Variants in THAP5 observed in about 807,000 individuals in gnomAD.
The protein encoded by THAP5 is THAP domain containing 5.
Under a neutral mutation model 34.0 loss-of-function variants are expected in THAP5, and 26 were observed. The observed-to-expected ratio is 0.77, with a 90% CI of 0.56 to 1.06. THAP5 has a LOEUF of 1.06. THAP5 is among the 50% of genes least tolerant of loss of function. The probability of loss-of-function intolerance (pLI) is 0.00; values close to 1 mark genes in which losing one functional copy is unlikely to be tolerated. For missense variants in THAP5, 394 were observed against 452.8 expected, an observed-to-expected ratio of 0.87 and a Z score of 1.18; for synonymous variants, 125 against 153.0, an observed-to-expected ratio of 0.82 and a Z score of 1.35.
rs1296535590 is a variant in THAP5 at position 108,562,613 on chromosome 7, GGTAA to G, written c.*1574_*1577del. The G allele has an allele frequency of 6.6e-6, 1 of 152,122 alleles. No homozygotes were observed. The highest frequency in any genetic ancestry group is 1.5e-5 in the Non-Finnish European group (1 of 68,002). The allele number at this position is 152,122 out of a possible 1,614,324, so 9.4% of individuals were successfully genotyped here. A position where few individuals can be genotyped will look rare whatever the true frequency, so the allele number is the denominator to read the frequency against. Reference sequence around the variant, plus strand: ...CAAAATTCTCAAAGCCACTCTTTAAGGTAAGTAATAGTACGTTCTACTTAACAGA... The same window carrying G: ...CAAAATTCTCAAAGCCACTCTTTAAGGTAATAGTACGTTCTACTTAACAGA... On this transcript the variant is annotated 3_prime_UTR_variant, in exon 3 of 3. Coordinates refer to ENST00000415914, the MANE Select transcript of THAP5 (RefSeq NM_001130475.3).
In THAP5 at chr7:108,568,550, C is replaced by T. The variant is rs112314703; in HGVS notation, c.80+940G>A. ...ATTAATTAAAATACTGGAAAGCAGC[C>T]GAATCATTAATGAATAAGTCCTTCA... On this transcript the variant is annotated intron_variant, in intron 1 of 2. Transcript: ENST00000415914. The T allele has an allele frequency of 2.2e-3, 343 of 154,534 alleles. 1 individual carries two copies. Among genetic ancestry groups the T allele is most frequent in the African/African-American group, 7.4e-3 (308 of 41,536 alleles). 9.6% of individuals were successfully genotyped at this position (154,534 alleles called of 1,614,324 possible).
At chr7:108,560,044 A>C (rs1443815277), downstream of THAP5, among the ~76,000 whole-genome samples, 1 of 152,206 alleles carries the variant, frequency 6.6e-6, no homozygotes, top group Non-Finnish European at 1.5e-5. Context: ...TGGGGATGTG[A>C]ATAGCTCTAA....
rs373750278 is a variant in THAP5 at position 108,564,708 on chromosome 7, ACTT to A, written c.668_670del (p.Glu223del). ...AAGATGACTGGTAGTTACTTCAAGAACTTCTTGAGTTTCCAAAGATTGATGAAT... is the reference window on the plus strand; with the variant it reads ...AAGATGACTGGTAGTTACTTCAAGAACTTGAGTTTCCAAAGATTGATGAAT... On this transcript the variant is annotated inframe_deletion, in exon 3 of 3. Transcript: ENST00000415914. 3.1e-4 allele frequency: 497 copies of A among 1,613,856 alleles called. 2 individuals carry two copies. The African/African-American group carries it at 5.6e-3, about 18-fold the overall frequency.
At chr7:108,558,015 T>C (rs1041067564), downstream of THAP5, among the ~76,000 whole-genome samples, 4 of 151,826 alleles carry the variant, frequency 2.6e-5, no homozygotes, top group Non-Finnish European at 5.9e-5. Flanking sequence ...CTTGGTGGAG[T>C]GGGAGTAAGT....
In THAP5 at chr7:108,565,865, C is replaced by G; in HGVS notation, c.238G>C (p.Val80Leu). ...WGIRYLKQTA[V>L]PTIFSLPEDN... ...TCAGGCAAAGAAAATATTGTTGGAA[C>G]TGCAGTTTGTTTTAAATATCGAATA... Residue 80 changes from valine (V) to leucine (L), a missense_variant, in exon 2 of 3, where the codon GTT (valine) becomes CTT (leucine). By Grantham distance (32) the Val-to-Leu change is conservative. Coordinates refer to ENST00000415914, the MANE Select transcript of THAP5 (RefSeq NM_001130475.3). 1 of 1,548,032 alleles carries G rather than the reference C, an allele frequency of 6.5e-7. No individual in the cohort carries two copies. The highest frequency in any genetic ancestry group is 2.4e-5 in the East Asian group (1 of 40,868).
downstream of THAP5, among the ~76,000 whole-genome samples, chr7:108,550,555 A>G (rs1217527232): frequency 3.9e-5 from 6 of 152,236 alleles, no homozygotes; most frequent in East Asian, 1.2e-3. Context: ...GACTAATGTA[A>G]CAAAATAGGA....
rs1395480858 is a variant in THAP5, at chr7:108,564,544, C to T, written c.835G>A (p.Glu279Lys). The change falls in exon 3 of 3, where the codon GAA becomes AAA. Residue 279 changes from glutamate to lysine, a missense_variant. Physicochemically the swap from Glu to Lys is moderately conservative, Grantham distance 56. Transcript: ENST00000415914. Reference protein sequence around the residue: ...ESVIAIFVPAENSKPSVNSFI... With the variant: ...ESVIAIFVPAKNSKPSVNSFI... ...GAATTAACTGAGGGTTTAGAATTTT[C>T]AGCAGGTACAAAAATGGCAATAACA... 6.2e-7 allele frequency: 1 copy of T among 1,613,618 alleles called. No individual in the cohort carries two copies.
chr7:108,565,705 T>G (rs760784398), intron 2 of THAP5, 125 bp downstream of exon 2: 6 of 679,698 alleles, frequency 8.8e-6, no homozygotes, highest in Non-Finnish European at 1.3e-5. Context: ...CACAAATTAG[T>G]GCTCCCTTTT....
At chr7:108,548,516 G>T in the THAP5 span, among the ~76,000 whole-genome samples, 1 of 152,132 alleles carries the variant, frequency 6.6e-6, no homozygotes, top group Non-Finnish European at 1.5e-5. Context: ...TAACGAATAG[G>T]TCAGCCCTTG....
At chr7:108,557,233 T>A (rs1864392555), downstream of THAP5, among the ~76,000 whole-genome samples, 1 of 152,258 alleles carries the variant, frequency 6.6e-6, no homozygotes, top group Non-Finnish European at 1.5e-5. Flanking sequence ...GTCTTGGCTA[T>A]TAGCATTTGG....
chr7:108,554,166 G>GAAAACAA (rs1032327288), downstream of THAP5, among the ~76,000 whole-genome samples: 52 of 151,862 alleles, frequency 3.4e-4, no homozygotes, highest in Non-Finnish European at 1.8e-4. Flanking sequence ...CTAGAACTGT[G>GAAAACAA]AAAACAAAAA....
the THAP5 span, among the ~76,000 whole-genome samples, chr7:108,543,080 C>T: frequency 1.3e-5 from 2 of 151,978 alleles, no homozygotes; most frequent in Non-Finnish European, 2.9e-5. Flanking sequence ...GTGCCTGTCA[C>T]CACGCCCGGC....
the THAP5 span, among the ~76,000 whole-genome samples, chr7:108,548,219 A>G: frequency 6.6e-6 from 1 of 152,214 alleles, no homozygotes; most frequent in Non-Finnish European, 1.5e-5. Flanking sequence ...GACTGTCTCA[A>G]TGTGGAGCCA....
chr7:108,558,381 G>GTATATATATATATATATATATATATA (rs66806128), downstream of THAP5, among the ~76,000 whole-genome samples: 21 of 93,842 alleles, frequency 2.2e-4, no homozygotes, highest in African/African-American at 6.0e-4. Context: ...GTGTGTGTAT[G>GTATATATATATATATATATATATATA]TATATATATA....
intron 1 of THAP5, among the ~76,000 whole-genome samples, chr7:108,566,460 T>C (rs1223536161): frequency 1.3e-5 from 2 of 152,232 alleles, no homozygotes; most frequent in African/African-American, 2.4e-5. Flanking sequence ...TTGTTGTCTA[T>C]AATTCAAGGC....
At position 108,564,889 on chromosome 7, in the gene THAP5, A is replaced by T. The variant is rs572784718; in HGVS notation, c.490T>A (p.Leu164Ile). 1 of 1,600,504 alleles carries T rather than the reference A, an allele frequency of 6.2e-7. No individual in the cohort carries two copies. Among genetic ancestry groups the T allele is most frequent in the East Asian group, 2.2e-5 (1 of 44,768 alleles). The change falls in exon 3 of 3, where the codon TTA (leucine) becomes ATA (isoleucine). Residue 164 changes from leucine (L) to isoleucine (I), a missense_variant. Leu to Ile is a conservative substitution (Grantham distance 5). Transcript: ENST00000415914. Reference sequence around the variant, plus strand: ...TGTTGTTTAACTAGATTAAGAGTTAACATGTTATTTTGTATACTTCCTGTT... The same window carrying T: ...TGTTGTTTAACTAGATTAAGAGTTATCATGTTATTTTGTATACTTCCTGTT... Reference protein sequence around the residue: ...PKTGSIQNNMLTLNLVKQHTG... With the variant: ...PKTGSIQNNMITLNLVKQHTG...
chr7:108,552,235 C>T (rs752609025), downstream of THAP5, among the ~76,000 whole-genome samples: 14 of 152,256 alleles, frequency 9.2e-5, no homozygotes, highest in Middle Eastern at 3.4e-3. Flanking sequence ...GGGTGACTAC[C>T]GCTTCTTAAT....
chr7:108,545,484 AG>A, the THAP5 span, among the ~76,000 whole-genome samples: 2 of 152,258 alleles, frequency 1.3e-5, no homozygotes, highest in African/African-American at 4.8e-5. Context: ...AGACAATTTT[AG>A]GAATAATATA....
At position 108,564,106 on chromosome 7, in the gene THAP5, A is replaced by G; in HGVS notation, c.*85T>C. On this transcript the variant is annotated 3_prime_UTR_variant, in exon 3 of 3. Transcript: ENST00000415914. ...ATAGGTTCATTAAGATGAGAACTTT[A>G]TACAGGAAACAGTTCACTTTACATG... The G allele has an allele frequency of 9.0e-7, 1 of 1,112,062 alleles. No individual in the cohort carries two copies. Among genetic ancestry groups the G allele is most frequent in the Non-Finnish European group, 1.3e-6 (1 of 783,616 alleles). 68.9% of individuals were successfully genotyped at this position (1,112,062 alleles called of 1,614,324 possible). A position where few individuals can be genotyped will look rare whatever the true frequency, so the allele number is the denominator to read the frequency against.
Sources: gnomAD v4.1 joint callset for allele counts (sites outside exome capture counted in the v4.1 genomes callset) on GRCh38, gnomAD v4.1.1 for gene constraint, MANE v1.5 for transcripts, NCBI Gene and HGNC (gene_info 2026-07-23, HGNC 2026-07-21) for gene names.